SUGCT: variants seen among roughly 807,000 people sequenced by gnomAD.
SUGCT encodes succinyl-CoA:glutarate-CoA transferase.
Under a neutral mutation model 55.0 loss-of-function variants are expected in SUGCT, and 41 were observed. The observed-to-expected ratio is 0.74, with a 90% CI of 0.58 to 0.97. SUGCT has a LOEUF of 0.97. SUGCT is among the 50% of genes least tolerant of loss of function. The pLI, the probability that SUGCT is intolerant of heterozygous loss-of-function variation, is 0.00. For missense variants in SUGCT, 568 were observed against 547.8 expected (o/e 1.04, Z -0.37); for synonymous variants, 187 against 200.4 (o/e 0.93, Z 0.56).
intron 12 of SUGCT, among the ~76,000 whole-genome samples, chr7:40,642,197 C>T (rs75281466): frequency 0.05 from 7,683 of 152,156 alleles, 277 homozygotes; most frequent in Middle Eastern, 0.099. Context: ...GAGATTATGC[C>T]GTGGATATAA....
intron 10 of SUGCT, among the ~76,000 whole-genome samples, chr7:40,458,118 A>G (rs574861923): frequency 2.0e-5 from 3 of 152,356 alleles, no homozygotes; most frequent in East Asian, 3.9e-4. Flanking sequence ...TGTCCTTTGT[A>G]AGATGATTAA....
At chr7:40,863,307 T>G (rs1794526891), downstream of SUGCT, among the ~76,000 whole-genome samples, 1 of 152,184 alleles carries the variant, frequency 6.6e-6, no homozygotes, top group African/African-American at 2.4e-5. Context: ...GGCAGGGCTT[T>G]GGCATGAAGA....
chr7:40,493,675 G>A (rs1791817457), intron 11 of SUGCT, among the ~76,000 whole-genome samples: 1 of 152,112 alleles, frequency 6.6e-6, no homozygotes, highest in Non-Finnish European at 1.5e-5. Flanking sequence ...AAGGCCCTAG[G>A]TTCACTTGCT....
chr7:40,927,027 A>G, the SUGCT span, among the ~76,000 whole-genome samples: 2 of 152,214 alleles, frequency 1.3e-5, no homozygotes, highest in African/African-American at 2.4e-5. Flanking sequence ...TAAGGGGATC[A>G]TGTTCAAAAT....
intron 12 of SUGCT, among the ~76,000 whole-genome samples, chr7:40,612,004 TC>T (rs563132998): frequency 0.013 from 1,944 of 146,138 alleles, 48 homozygotes; most frequent in African/African-American, 0.041. Flanking sequence ...AAACTTTGAT[TC>T]CCCCCCCTTT....
At chr7:40,769,913 C>G (rs1789004926) in intron 13 of SUGCT, among the ~76,000 whole-genome samples, 1 of 152,206 alleles carries the variant, frequency 6.6e-6, no homozygotes, top group Non-Finnish European at 1.5e-5. Context: ...TTCTTTCCCT[C>G]AACACTTAGT....
At chr7:40,205,323 T>G (rs1382737884) in intron 6 of SUGCT, among the ~76,000 whole-genome samples, 1 of 151,276 alleles carries the variant, frequency 6.6e-6, no homozygotes, top group Non-Finnish European at 1.5e-5. Context: ...GGAACATGGA[T>G]GAAGTGATTT....
intron 12 of SUGCT, among the ~76,000 whole-genome samples, chr7:40,731,255 T>C (rs1048954982): frequency 9.9e-5 from 15 of 152,186 alleles, no homozygotes; most frequent in African/African-American, 3.4e-4. Flanking sequence ...TCGAACATAA[T>C]AGTCCAGTTT....
intron 9 of SUGCT, among the ~76,000 whole-genome samples, chr7:40,325,329 A>G (rs1795973963): frequency 1.3e-5 from 2 of 152,094 alleles, no homozygotes; most frequent in African/African-American, 4.8e-5. Flanking sequence ...CTAAGGCACT[A>G]AAATGTGAAG....
chr7:40,687,081 C>T (rs1219679703), intron 12 of SUGCT, among the ~76,000 whole-genome samples: 1 of 152,086 alleles, frequency 6.6e-6, no homozygotes, highest in Non-Finnish European at 1.5e-5. Context: ...ACTGCTTATC[C>T]ACTGCATTTT....
At chr7:40,648,556 A>C (rs1431500976) in intron 12 of SUGCT, among the ~76,000 whole-genome samples, 1 of 152,182 alleles carries the variant, frequency 6.6e-6, no homozygotes, top group Non-Finnish European at 1.5e-5. Context: ...CTCACTTGGA[A>C]ATAGAGTGTT....
chr7:40,977,962 A>G, the SUGCT span, among the ~76,000 whole-genome samples: 1 of 152,096 alleles, frequency 6.6e-6, no homozygotes, highest in African/African-American at 2.4e-5. Context: ...AACCTCGGCC[A>G]TCTTGGGGCT....
intron 9 of SUGCT, among the ~76,000 whole-genome samples, chr7:40,438,937 T>C: frequency 6.7e-6 from 1 of 150,038 alleles, no homozygotes; most frequent in South Asian, 2.1e-4. Flanking sequence ...TGGGACCAAG[T>C]ACAGTAGTAA....
At chr7:40,566,474 A>C (rs1033210644) in intron 12 of SUGCT, among the ~76,000 whole-genome samples, 1 of 152,196 alleles carries the variant, frequency 6.6e-6, no homozygotes, top group Non-Finnish European at 1.5e-5. Flanking sequence ...AATCAAATTT[A>C]TTGTTTCAAT....
chr7:40,526,419 A>G (rs1033470728), intron 12 of SUGCT, among the ~76,000 whole-genome samples: 1 of 152,200 alleles, frequency 6.6e-6, no homozygotes, highest in Non-Finnish European at 1.5e-5. Context: ...GTGCTGTGAC[A>G]TTTAAGGCAA....
At chr7:40,617,510 T>TGC (rs1554386903) in intron 12 of SUGCT, among the ~76,000 whole-genome samples, 1 of 150,904 alleles carries the variant, frequency 6.6e-6, no homozygotes, top group African/African-American at 2.5e-5. Context: ...TGTGTGTGTG[T>TGC]GTGCATGTTT....
chr7:40,670,202 AGAAG>A (rs1801869330), intron 12 of SUGCT, among the ~76,000 whole-genome samples: 1 of 150,072 alleles, frequency 6.7e-6, no homozygotes, highest in African/African-American at 2.4e-5. Context: ...AAGAAGAAGA[AGAAG>A]AAGAGTTTCA....
intron 8 of SUGCT, among the ~76,000 whole-genome samples, chr7:40,282,597 A>G (rs1265155026): frequency 6.6e-5 from 10 of 152,094 alleles, no homozygotes; most frequent in African/African-American, 2.4e-4. Flanking sequence ...TCAACTTAAA[A>G]TGGATTAAAG....
intron 8 of SUGCT, among the ~76,000 whole-genome samples, chr7:40,315,474 A>C (rs1795374932): frequency 6.6e-6 from 1 of 152,240 alleles, no homozygotes; most frequent in Non-Finnish European, 1.5e-5. Context: ...CCTGGGCTGT[A>C]CAGCCAAACC....
Sources: gnomAD v4.1 joint callset for allele counts (sites outside exome capture counted in the v4.1 genomes callset) on GRCh38, gnomAD v4.1.1 for gene constraint, MANE v1.5 for transcripts, NCBI Gene and HGNC (gene_info 2026-07-23, HGNC 2026-07-21) for gene names.